GALNT17: variants seen among roughly 807,000 people sequenced by gnomAD.
GALNT17 encodes the protein UDP-GalNAc:polypeptide N-acetylgalactosaminyltransferase-like 3.
Under a neutral mutation model 63.7 loss-of-function variants are expected in GALNT17, and 29 were observed. The observed-to-expected ratio is 0.46, with a 90% confidence interval of 0.34 to 0.62. GALNT17 has a LOEUF of 0.62. Among genes scored for constraint, GALNT17 ranks in the 20% least tolerant of loss-of-function variants. GALNT17 has a pLI of 0.01. For synonymous variants in GALNT17, 305 were observed against 318.3 expected (o/e 0.96, Z 0.45); for missense variants, 603 against 799.6 (o/e 0.75, Z 2.97).
rs1219751607 is a variant in GALNT17 at position 71,259,638 on chromosome 7, G to GTTTTTTTTTTTTTTTTTTTTTTTTTTTT, written c.239-75905_239-75904insTTTTTTTTTTTTTTTTTTTTTTTTTTTT. 1.4e-5 allele frequency among the ~76,000 whole-genome samples: 2 copies of GTTTTTTTTTTTTTTTTTTTTTTTTTTTT among 137,970 alleles called. 1 individual carries two copies. 90.5% of individuals were successfully genotyped at this position (137,970 alleles called of 152,430 possible). ...AGATCTTGGTCCTGTTTTGTTTTTT[G>GTTTTTTTTTTTTTTTTTTTTTTTTTTTT]TTTTTTTGTTTTTTTTTTTTTGAGA... On this transcript the variant is annotated intron_variant, in intron 1 of 10. Coordinates refer to ENST00000333538, the MANE Select transcript of GALNT17 (RefSeq NM_022479.3).
chr7:71,507,686 A>G (rs1788290069), intron 5 of GALNT17, among the ~76,000 whole-genome samples: 1 of 152,168 alleles, frequency 6.6e-6, no homozygotes, highest in Admixed American at 6.5e-5. Flanking sequence ...ATGCAGCATG[A>G]ATTTGCATCT....
chr7:71,557,995 A>T (rs532215649), intron 5 of GALNT17, among the ~76,000 whole-genome samples: 1 of 151,748 alleles, frequency 6.6e-6, no homozygotes, highest in South Asian at 2.1e-4. Flanking sequence ...AATGGTTTGA[A>T]CCCAGGAGGC....
chr7:71,428,712 C>T (rs1343271862), intron 5 of GALNT17, among the ~76,000 whole-genome samples: 3 of 152,164 alleles, frequency 2.0e-5, no homozygotes, highest in African/African-American at 7.2e-5. Context: ...GCTGGGATTA[C>T]AGGCATGAGC....
chr7:71,139,238 A>G (rs565258502), intron 1 of GALNT17, among the ~76,000 whole-genome samples: 1 of 152,196 alleles, frequency 6.6e-6, no homozygotes, highest in Admixed American at 6.5e-5. Flanking sequence ...CTTTCCTAAT[A>G]AGTAAGGGGA....
At chr7:71,571,486 C>A in intron 6 of GALNT17, 84 bp downstream of exon 6, 1 of 1,132,538 alleles carries the variant, frequency 8.8e-7, no homozygotes, top group Admixed American at 1.7e-5. Context: ...GTATTTAAAG[C>A]TCCTTACAGC....
intron 5 of GALNT17, among the ~76,000 whole-genome samples, chr7:71,516,805 A>G (rs903599170): frequency 6.6e-6 from 1 of 152,068 alleles, no homozygotes; most frequent in Non-Finnish European, 1.5e-5. Flanking sequence ...CTCTGCTCTA[A>G]CTCAAGATTT....
At chr7:71,477,895 C>T (rs1251292022) in intron 5 of GALNT17, among the ~76,000 whole-genome samples, 3 of 152,032 alleles carry the variant, frequency 2.0e-5, no homozygotes, top group Admixed American at 6.6e-5. Context: ...TGCCGACATG[C>T]GACATGAGCT....
chr7:71,537,166 T>C (rs1411976331), intron 5 of GALNT17, among the ~76,000 whole-genome samples: 1 of 152,242 alleles, frequency 6.6e-6, no homozygotes, highest in Non-Finnish European at 1.5e-5. Flanking sequence ...GGAGCATTGT[T>C]TCCATCCATC....
intron 9 of GALNT17, among the ~76,000 whole-genome samples, chr7:71,689,412 G>A (rs1410712277): frequency 6.6e-6 from 1 of 152,160 alleles, no homozygotes. Flanking sequence ...AAGCAAAACA[G>A]CCTCATTGTT....
At chr7:71,710,259 C>A (rs1164971116) in intron 9 of GALNT17, among the ~76,000 whole-genome samples, 1 of 152,136 alleles carries the variant, frequency 6.6e-6, no homozygotes, top group African/African-American at 2.4e-5. Flanking sequence ...CCTGTAATCC[C>A]AGCACTTTGA....
chr7:71,630,311 G>A (rs978172354), intron 6 of GALNT17, among the ~76,000 whole-genome samples: 4 of 152,142 alleles, frequency 2.6e-5, no homozygotes, highest in Admixed American at 6.6e-5. Flanking sequence ...AACAGCCTTC[G>A]CTTGGCAAAC....
intron 6 of GALNT17, among the ~76,000 whole-genome samples, chr7:71,661,237 C>T (rs571663614): frequency 6.6e-5 from 10 of 152,100 alleles, no homozygotes; most frequent in African/African-American, 1.9e-4. Context: ...CTGCTGCTGT[C>T]GCATGTGGTC....
chr7:71,426,268 C>G (rs998312987), intron 5 of GALNT17, among the ~76,000 whole-genome samples: 4 of 152,176 alleles, frequency 2.6e-5, no homozygotes, highest in Non-Finnish European at 5.9e-5. Context: ...AACTCCAGTT[C>G]AACCTGTAGA....
intron 6 of GALNT17, among the ~76,000 whole-genome samples, chr7:71,605,340 C>A (rs1262066167): frequency 6.6e-6 from 1 of 152,126 alleles, no homozygotes; most frequent in African/African-American, 2.4e-5. Context: ...ATAATCTCAG[C>A]ACTTTGGGAG....
intron 1 of GALNT17, among the ~76,000 whole-genome samples, chr7:71,260,754 C>G (rs1055565529): frequency 2.0e-5 from 3 of 151,932 alleles, no homozygotes; most frequent in Admixed American, 2.0e-4. Flanking sequence ...GCCAACACAT[C>G]CTGATAATTT....
intron 1 of GALNT17, among the ~76,000 whole-genome samples, chr7:71,259,137 G>T (rs1276882421): frequency 6.6e-6 from 1 of 152,144 alleles, no homozygotes; most frequent in Non-Finnish European, 1.5e-5. Context: ...GGAGCAGGGA[G>T]CTCTTACCTT....
intron 1 of GALNT17, among the ~76,000 whole-genome samples, chr7:71,255,435 G>C (rs1790272013): frequency 1.3e-5 from 2 of 152,164 alleles, no homozygotes; most frequent in Non-Finnish European, 2.9e-5. Flanking sequence ...CATCAAACCT[G>C]TTTCTTTTGT....
chr7:71,506,323 G>C (rs1387306005), intron 5 of GALNT17, among the ~76,000 whole-genome samples: 1 of 152,092 alleles, frequency 6.6e-6, no homozygotes, highest in African/African-American at 2.4e-5. Context: ...CTGGAGTGCA[G>C]TGGTGCAATC....
At chr7:71,468,444 T>G (rs1221926918) in intron 5 of GALNT17, among the ~76,000 whole-genome samples, 1 of 151,428 alleles carries the variant, frequency 6.6e-6, no homozygotes, top group Non-Finnish European at 1.5e-5. Context: ...GGAGACAGAG[T>G]CTCATTCTGT....
Sources: gnomAD v4.1 joint callset for allele counts (sites outside exome capture counted in the v4.1 genomes callset) on GRCh38, gnomAD v4.1.1 for gene constraint, MANE v1.5 for transcripts, NCBI Gene and HGNC (gene_info 2026-07-23, HGNC 2026-07-21) for gene names.